PLCD3: variants seen among roughly 807,000 people sequenced by gnomAD.
PLCD3 encodes the protein phospholipase C delta 3.
In PLCD3, 62 loss-of-function variants were observed where a neutral mutation model predicts 82.8. The observed-to-expected ratio is 0.75, with a 90% CI of 0.61 to 0.93. PLCD3 has a LOEUF of 0.93. PLCD3 is among the 40% of genes least tolerant of loss of function. The probability of loss-of-function intolerance (pLI) is 0.00; values close to 1 mark genes in which losing one functional copy is unlikely to be tolerated. For synonymous variants in PLCD3, 478 were observed against 471.8 expected (o/e 1.01, Z -0.17); for missense variants, 1,023 against 1,103.4 (o/e 0.93, Z 1.03).
At chr17:45,116,092 T>C (rs2054289132) in intron 8 of PLCD3, among the ~76,000 whole-genome samples, 2 of 151,994 alleles carry the variant, frequency 1.3e-5, no homozygotes, top group South Asian at 4.2e-4. Context: ...ATGTTGGGGA[T>C]TGGAAGTAGG....
intron 8 of PLCD3, chr17:45,115,712 C>G: frequency 1.8e-6 from 1 of 547,336 alleles, no homozygotes; most frequent in Admixed American, 3.0e-5. Context: ...TCAGAATATA[C>G]ACAGCAGCCA....
At position 45,115,452 on chromosome 17, in the gene PLCD3, C is replaced by T; in HGVS notation, c.1452G>A (p.Leu484=). 4 of 1,612,582 alleles carry T rather than the reference C, an allele frequency of 2.5e-6. No individual in the cohort carries two copies. The highest frequency in any genetic ancestry group is 3.4e-6 in the Non-Finnish European group (4 of 1,179,514). Residue 484 remains leucine (L), a synonymous_variant, in exon 9 of 15, where the codon TTG becomes TTA. Transcript: ENST00000619929. ...KGRVLVKGKK[L]PAARSEDGRA... ...GGCCATCCTCGCTCCGAGCAGCGGG[C>T]AACTTCTTTCCCTTCACCAGGACCC...
chr17:45,131,792 G>C (rs933812019), intron 1 of PLCD3, among the ~76,000 whole-genome samples: 2 of 152,242 alleles, frequency 1.3e-5, no homozygotes, highest in East Asian at 3.8e-4. Flanking sequence ...CGCCTCTGTG[G>C]GGCCGCGGCT....
Position 45,118,255 on chromosome 17 carries a change from G to A in PLCD3, c.1115+36C>T, listed in dbSNP as rs1403952278. On this transcript the variant is annotated intron_variant, in intron 6 of 14. Coordinates refer to ENST00000619929, the MANE Select transcript of PLCD3 (RefSeq NM_133373.5). This position sits in a 1 kb window ranked among gnomAD's most constrained non-coding sequence, Gnocchi z 4.1. ...AGCCAGCCCATGTCTCTCCCCAGGT[G>A]GGGCTCCCGGAAACATTCACCCCCT... The A allele has an allele frequency of 1.9e-6, 3 of 1,612,854 alleles. No homozygotes were observed. Among genetic ancestry groups the A allele is most frequent in the Non-Finnish European group, 2.5e-6 (3 of 1,179,206 alleles).
At position 45,109,952 on chromosome 17, in the gene PLCD3, C is replaced by A. The variant is rs2054228796; in HGVS notation, c.*2664G>T. On this transcript the variant is annotated 3_prime_UTR_variant, in exon 15 of 15. Coordinates refer to ENST00000619929, the MANE Select transcript of PLCD3 (RefSeq NM_133373.5). The stretch of plus-strand genomic sequence containing the variant: ...AATTAGCCGGGCATGGTGGTGGGCG[C>A]CTGTAGTCCCAGCTACTTGGGAAGC... The A allele has an allele frequency of 1.3e-5, 2 of 152,262 alleles. No homozygotes were observed. Among genetic ancestry groups the A allele is most frequent in the African/African-American group, 4.8e-5 (2 of 41,408 alleles). 9.4% of individuals were successfully genotyped at this position (152,262 alleles called of 1,614,324 possible). A position where few individuals can be genotyped will look rare whatever the true frequency, so the allele number is the denominator to read the frequency against.
chr17:45,121,353 G>A lies in PLCD3; in HGVS notation c.183C>T (p.Asp61=), dbSNP rs1444337161. 3.3e-6 allele frequency: 5 copies of A among 1,533,656 alleles called. No homozygotes were observed. Among genetic ancestry groups the A allele is most frequent in the Non-Finnish European group, 4.4e-6 (5 of 1,147,684 alleles). Residue 61 remains aspartate (D), a synonymous_variant, in exon 2 of 15, where the codon GAC becomes GAT. Coordinates refer to ENST00000619929, the MANE Select transcript of PLCD3 (RefSeq NM_133373.5). The part of the protein sequence containing the change: ...LKKMGLTEDE[D]VRAMLRGSRL... The stretch of plus-strand genomic sequence containing the variant: ...GGGAGCCCCGCAGCATGGCGCGCAC[G>A]TCCTCGTCCTCCGTCAGGCCTGGCG...
rs67233650 is a variant in PLCD3, at chr17:45,123,966, CA to C, written c.164-2595del. Among the ~76,000 whole-genome samples the C allele has an allele frequency of 2.3e-3, 342 of 147,094 alleles. 13 individuals are homozygous for C. The highest frequency in any genetic ancestry group is 6.0e-3 in the African/African-American group (237 of 39,258). ...CGAGGGGCTCACCAGACCCCCCCCC[CA>C]ACCAGGTCCAGGTAGCCTCTAAATG... On this transcript the variant is annotated intron_variant, in intron 1 of 14. Transcript: ENST00000619929.
intron 1 of PLCD3, among the ~76,000 whole-genome samples, chr17:45,128,764 A>C (rs183987617): frequency 2.6e-4 from 40 of 152,348 alleles, no homozygotes; most frequent in African/African-American, 8.7e-4. Flanking sequence ...ATAAAGAATA[A>C]TTTTTTAGTA....
chr17:45,126,701 G>C (rs1320467868), intron 1 of PLCD3, among the ~76,000 whole-genome samples: 1 of 151,938 alleles, frequency 6.6e-6, no homozygotes, highest in East Asian at 1.9e-4. Flanking sequence ...CTGTAGCCAG[G>C]CTGGGGTGCA....
chr17:45,125,236 G>A (rs1184154845), intron 1 of PLCD3, among the ~76,000 whole-genome samples: 1 of 152,018 alleles, frequency 6.6e-6, no homozygotes, highest in African/African-American at 2.4e-5. Flanking sequence ...GCTGAGGCAT[G>A]TGGATCATTT....
Position 45,115,128 on chromosome 17 carries a change from G to A in PLCD3, c.1677C>T (p.Ser559=), listed in dbSNP as rs749241854. The change falls in exon 10 of 15, where the codon AGC becomes AGT. Residue 559 remains serine, a synonymous_variant. Transcript: ENST00000619929. ...APQPCQVSSL[S]ERKAKKLIRE... is the part of the protein sequence containing the mutation. ...GAATGAGTTTCTTGGCTTTGCGCTC[G>A]CTGAGGGAGCTGACCTGGCAGGGTT... The A allele has an allele frequency of 7.5e-6, 12 of 1,601,084 alleles. No individual in the cohort carries two copies. The South Asian group carries it at 7.9e-5, about 11-fold the overall frequency.
At position 45,115,352 on chromosome 17, in the gene PLCD3, T is replaced by G; in HGVS notation, c.1552A>C (p.Arg518=). The G allele has an allele frequency of 4.7e-6, 4 of 855,782 alleles. No individual in the cohort carries two copies. Among genetic ancestry groups the G allele is most frequent in the Non-Finnish European group, 6.5e-6 (4 of 617,372 alleles). 53.0% of individuals were successfully genotyped at this position (855,782 alleles called of 1,614,324 possible). ...EEEEVEAAAQ[R]RLAKQISPEL... Reference sequence around the variant, plus strand: ...CCCATCCCAGCTCTCACCAGCCGCCTCTGCGCTGCAGCCTCCACCTCCTCT... The same window carrying G: ...CCCATCCCAGCTCTCACCAGCCGCCGCTGCGCTGCAGCCTCCACCTCCTCT... Residue 518 remains arginine (R), a synonymous_variant, in exon 9 of 15, where the codon AGG becomes CGG. Transcript: ENST00000619929.
intron 7 of PLCD3, among the ~76,000 whole-genome samples, 155 bp from the exon 8 acceptor site, chr17:45,116,939 G>A (rs2054296376): frequency 1.3e-5 from 2 of 152,150 alleles, no homozygotes; most frequent in South Asian, 2.1e-4. Context: ...GAGGGCGGCT[G>A]CAGGAATTAT....
At position 45,126,604 on chromosome 17, in the gene PLCD3, A is replaced by G. The variant is rs2054383613; in HGVS notation, c.164-5232T>C. Among the ~76,000 whole-genome samples, 4 of 150,700 alleles carry G rather than the reference A, an allele frequency of 2.7e-5. No homozygotes were observed. The South Asian group carries it at 8.4e-4, about 31-fold the overall frequency. The stretch of plus-strand genomic sequence containing the variant: ...AGGCGTGAGCCACAGCACCCGGCCT[A>G]TTTTACCATAATTTTTAAAGTTTAA... On this transcript the variant is annotated intron_variant, in intron 1 of 14. Coordinates refer to ENST00000619929, the MANE Select transcript of PLCD3 (RefSeq NM_133373.5).
intron 1 of PLCD3, 90 bp from the exon 2 acceptor site, chr17:45,121,462 C>T: frequency 1.4e-6 from 2 of 1,384,946 alleles, no homozygotes; most frequent in Non-Finnish European, 1.9e-6. Context: ...CCCCATCCTC[C>T]AGCCTCTCCA....
chr17:45,127,815 T>A (rs1315764892), intron 1 of PLCD3, among the ~76,000 whole-genome samples: 2 of 33,948 alleles, frequency 5.9e-5, no homozygotes, highest in Admixed American at 2.5e-4. Context: ...TGTGTGCGTG[T>A]GAGTGTGTGT....
Position 45,112,957 on chromosome 17 carries a change from C to T in PLCD3, c.2187G>A (p.Leu729=), listed in dbSNP as rs2054257902. 2.5e-6 allele frequency: 4 copies of T among 1,612,646 alleles called. No individual in the cohort carries two copies. Among genetic ancestry groups the T allele is most frequent in the African/African-American group, 2.7e-5 (2 of 75,010 alleles). Residue 729 remains leucine, a synonymous_variant, in exon 14 of 15, where the codon CTG becomes CTA. Transcript: ENST00000619929. ...TLQFQLRAPE[L]ALVRFVVEDY... is the part of the protein sequence containing the mutation. ...CTTCCACCACAAACCGGACCAGTGC[C>T]AGCTCCGGAGCCCGCAGCTGGAACT...
In PLCD3 at chr17:45,121,234, G is replaced by A. The variant is rs962575710; in HGVS notation, c.302C>T (p.Pro101Leu). 6 of 1,590,416 alleles carry A rather than the reference G, an allele frequency of 3.8e-6. No homozygotes were observed. The highest frequency in any genetic ancestry group is 5.1e-6 in the Non-Finnish European group (6 of 1,176,442). The change falls in exon 2 of 15, where the codon CCG (proline) becomes CTG (leucine). Residue 101 changes from proline to leucine, a missense_variant. Around this residue, in one of 3 missense-constraint regions of PLCD3, gnomAD observed 448 missense variants for 406.3 expected, o/e 1.10. Coordinates refer to ENST00000619929, the MANE Select transcript of PLCD3 (RefSeq NM_133373.5). ...ACAGATGTGCTGCGATGGCGCACGCGGGATGCGCCGCTGGAACCACACGCT... is the reference window on the plus strand; with the variant it reads ...ACAGATGTGCTGCGATGGCGCACGCAGGATGCGCCGCTGGAACCACACGCT... ...GLSVWFQRRI[P>L]RAPSQHIFFV...
intron 1 of PLCD3, among the ~76,000 whole-genome samples, chr17:45,127,830 G>A (rs981731673): frequency 6.6e-6 from 1 of 151,722 alleles, no homozygotes; most frequent in Non-Finnish European, 1.5e-5. Flanking sequence ...GTGTGTGTGC[G>A]TACAGGGTTC....
Sources: gnomAD v4.1 joint callset for allele counts (sites outside exome capture counted in the v4.1 genomes callset) on GRCh38, gnomAD v4.1.1 for gene constraint, gnomAD v4.1.1 regional missense constraint, Gnocchi (gnomAD v3.1) non-coding constraint, MANE v1.5 for transcripts, NCBI Gene and HGNC (gene_info 2026-07-23, HGNC 2026-07-21) for gene names.